Variants in CD226 observed in about 807,000 individuals in gnomAD.
The protein encoded by CD226 is CD226 molecule.
CD226 carries 24 observed loss-of-function variants against 34.9 expected under a neutral mutation model. The observed-to-expected ratio is 0.69, with a 90% CI of 0.50 to 0.97. The LOEUF is 0.97. Ranked by LOEUF, CD226 falls within the 50% of genes least tolerant of loss-of-function variation. The pLI, the probability that CD226 is intolerant of heterozygous loss-of-function variation, is 0.00. For synonymous variants in CD226, 148 were observed against 147.4 expected (o/e 1.00, Z -0.03); for missense variants, 397 against 412.7 (o/e 0.96, Z 0.33).
upstream of CD226, among the ~76,000 whole-genome samples, chr18:69,950,462 A>AC (rs1261665412): frequency 6.6e-6 from 1 of 152,196 alleles, no homozygotes; most frequent in Non-Finnish European, 1.5e-5. Flanking sequence ...GAAGCAACAC[A>AC]CACAGGCATG....
upstream of CD226, among the ~76,000 whole-genome samples, chr18:69,951,127 C>A (rs2145378854): frequency 6.6e-6 from 1 of 151,994 alleles, no homozygotes; most frequent in South Asian, 2.1e-4. Flanking sequence ...CCACACTCAG[C>A]TAATTTTTTA....
At chr18:69,934,349 C>T (rs561874767) in intron 2 of CD226, among the ~76,000 whole-genome samples, 1 of 151,766 alleles carries the variant, frequency 6.6e-6, no homozygotes, top group African/African-American at 2.4e-5. Flanking sequence ...CTGGAAATAT[C>T]GGTGTTGGTA....
At chr18:69,920,651 GTATT>G (rs749054292) in intron 2 of CD226, among the ~76,000 whole-genome samples, 1 of 152,064 alleles carries the variant, frequency 6.6e-6, no homozygotes, top group Admixed American at 6.5e-5. Flanking sequence ...TATATACTAA[GTATT>G]TATAATGAGG....
At chr18:69,887,985 C>T (rs1007822) in intron 3 of CD226, among the ~76,000 whole-genome samples, 64,058 of 152,012 alleles carry the variant, frequency 0.42, 16,268 homozygotes, top group East Asian at 0.65. Flanking sequence ...TCTGTTTATT[C>T]TTCATTTTCC....
rs767512519 is a variant in CD226, at chr18:69,947,366, T to C, written c.41A>G (p.Tyr14Cys). ...AATATAAAGATCATCTTTACCTCTG[T>C]ATACATGAAGAAGAGCCAAAAGTAA... ...PTLLLALLHV[Y>C]RALCEEVLWH... The change falls in exon 1 of 6, where the codon TAC becomes TGC. Residue 14 changes from tyrosine (Y) to cysteine (C), a missense_variant. Transcript: ENST00000582621. The C allele has an allele frequency of 6.4e-7, 1 of 1,571,892 alleles. No homozygotes were observed. The highest frequency in any genetic ancestry group is 2.2e-5 in the East Asian group (1 of 44,506).
intron 2 of CD226, among the ~76,000 whole-genome samples, chr18:69,933,230 A>C (rs1369355432): frequency 6.6e-6 from 1 of 152,186 alleles, no homozygotes; most frequent in African/African-American, 2.4e-5. Flanking sequence ...CATGGCCAAC[A>C]TGAGACTTTC....
At chr18:69,921,940 T>C (rs553096728) in intron 2 of CD226, among the ~76,000 whole-genome samples, 5 of 152,304 alleles carry the variant, frequency 3.3e-5, no homozygotes, top group Admixed American at 6.5e-5. Flanking sequence ...GCTCCCATTT[T>C]TGTCTTTGGA....
At chr18:69,902,681 T>A (rs1296366289) in intron 2 of CD226, among the ~76,000 whole-genome samples, 1 of 151,780 alleles carries the variant, frequency 6.6e-6, no homozygotes, top group Non-Finnish European at 1.5e-5. Context: ...GCAGATCAAG[T>A]GCAAATCAAT....
chr18:69,918,275 A>G (rs1480944622), intron 2 of CD226, among the ~76,000 whole-genome samples: 1 of 152,226 alleles, frequency 6.6e-6, no homozygotes, highest in Non-Finnish European at 1.5e-5. Flanking sequence ...TATTAGGGCC[A>G]GGCACGGTGG....
chr18:69,955,590 G>A (rs889496689), intron 1 of CD226, among the ~76,000 whole-genome samples: 5 of 152,248 alleles, frequency 3.3e-5, no homozygotes, highest in East Asian at 3.9e-4. Flanking sequence ...ACAGGAGGCC[G>A]GGTGCGGTGG....
chr18:69,872,175 A>G (rs550400930), intron 4 of CD226, among the ~76,000 whole-genome samples: 1 of 152,142 alleles, frequency 6.6e-6, no homozygotes, highest in East Asian at 1.9e-4. Context: ...TATCTATGAT[A>G]TGCCAGACAT....
At chr18:69,937,605 G>A (rs1423461687) in intron 2 of CD226, among the ~76,000 whole-genome samples, 1 of 152,036 alleles carries the variant, frequency 6.6e-6, no homozygotes, top group Admixed American at 6.5e-5. Flanking sequence ...CCAAACCACT[G>A]AACATTACAT....
chr18:69,961,196 T>C (rs995245723), upstream of CD226, among the ~76,000 whole-genome samples: 1 of 152,238 alleles, frequency 6.6e-6, no homozygotes, highest in Non-Finnish European at 1.5e-5. Context: ...TGAATATATA[T>C]GAATGTACCT....
chr18:69,887,083 A>C (rs1984600718), intron 3 of CD226, among the ~76,000 whole-genome samples: 1 of 152,260 alleles, frequency 6.6e-6, no homozygotes, highest in South Asian at 2.1e-4. Flanking sequence ...ATTAGATTTC[A>C]AAACTGATAC....
chr18:69,931,673 G>GT (rs977392751), intron 2 of CD226, among the ~76,000 whole-genome samples: 10 of 152,290 alleles, frequency 6.6e-5, no homozygotes, highest in Admixed American at 5.2e-4. Flanking sequence ...AGTTGTAATA[G>GT]TTTTTTAAAA....
chr18:69,932,627 A>G (rs889717245), intron 2 of CD226, among the ~76,000 whole-genome samples: 1 of 152,170 alleles, frequency 6.6e-6, no homozygotes, highest in African/African-American at 2.4e-5. Context: ...CTTTTGCGCC[A>G]TTAGCATGAT....
chr18:69,884,028 A>G (rs1247730923), intron 3 of CD226, among the ~76,000 whole-genome samples: 1 of 152,258 alleles, frequency 6.6e-6, no homozygotes, highest in Non-Finnish European at 1.5e-5. Context: ...AGCATAAACC[A>G]CATGGGTTGT....
intron 2 of CD226, among the ~76,000 whole-genome samples, chr18:69,942,532 T>A (rs1439353248): frequency 6.6e-6 from 1 of 152,190 alleles, no homozygotes; most frequent in African/African-American, 2.4e-5. Context: ...CATCAATAAC[T>A]TTTCGGGTTT....
chr18:69,935,849 C>T (rs1057436045), intron 2 of CD226, among the ~76,000 whole-genome samples: 1 of 152,158 alleles, frequency 6.6e-6, no homozygotes, highest in Non-Finnish European at 1.5e-5. Flanking sequence ...TAAATACCTA[C>T]AATAAGAAGG....
Sources: allele counts gnomAD v4.1 joint callset (sites outside exome capture counted in the v4.1 genomes callset), GRCh38; gene constraint gnomAD v4.1.1; transcripts MANE v1.5; gene names NCBI Gene and HGNC (gene_info 2026-07-23, HGNC 2026-07-21).